UNC13A: variants seen among roughly 807,000 people sequenced by gnomAD.
UNC13A encodes the protein unc-13 homolog A, also known as protein unc-13 homolog A.
In UNC13A, 61 loss-of-function variants were observed where a neutral mutation model predicts 219.7. The ratio of observed to expected loss-of-function variants is 0.28; its 90% CI spans 0.23 to 0.34. UNC13A has a LOEUF of 0.34. Among genes scored for constraint, UNC13A ranks in the 10% least tolerant of loss-of-function variants. UNC13A has a pLI of 1.00. For synonymous variants in UNC13A, 920 were observed against 884.6 expected (o/e 1.04, Z -0.71); for missense variants, 1,476 against 2,270.3 (o/e 0.65, Z 7.11).
chr19:17,648,777 T>C, intron 15 of UNC13A, 127 bp from the exon 16 acceptor site: 1 of 1,489,894 alleles, frequency 6.7e-7, no homozygotes, highest in Non-Finnish European at 9.2e-7. Context: ...GCTGTCGGAA[T>C]CCACGCTGCC....
chr19:17,607,153 G>C (rs577713789), intron 43 of UNC13A, among the ~76,000 whole-genome samples: 20 of 152,116 alleles, frequency 1.3e-4, no homozygotes, highest in Non-Finnish European at 2.6e-4. Flanking sequence ...GTGCTGACAC[G>C]ACATGGAACT....
At chr19:17,676,282 G>C (rs1019932235) in intron 1 of UNC13A, 1 of 644,488 alleles carries the variant, frequency 1.6e-6, no homozygotes, top group African/African-American at 1.8e-5. Context: ...GGATGAGAGG[G>C]AGAGAGAGAA....
chr19:17,632,826 C>T lies in UNC13A; in HGVS notation c.3384G>A (p.Val1128=). 1 of 1,613,980 alleles carries T rather than the reference C, an allele frequency of 6.2e-7. No homozygotes were observed. Among genetic ancestry groups the T allele is most frequent in the Non-Finnish European group, 8.5e-7 (1 of 1,179,900 alleles). ...FKVKWLYNEY[V]TELPAFKDRV... ...GGTCCTTGAAGGCGGGAAGTTCCGT[C>T]ACATACTCATTGTAGAGCCATTTCA... The change falls in exon 28 of 44, where the codon GTG becomes GTA. Residue 1128 remains valine, a synonymous_variant. Coordinates refer to ENST00000519716, the MANE Select transcript of UNC13A (RefSeq NM_001080421.3).
rs141329228 is a variant in UNC13A, at chr19:17,669,531, G to T, written c.394+22C>A. ...ACAACTGGGGCTGGGGCTGGGTGAAGGTCCCGGGCCCCTGTACTCACCTAA... is the reference window on the plus strand; with the variant it reads ...ACAACTGGGGCTGGGGCTGGGTGAATGTCCCGGGCCCCTGTACTCACCTAA... On this transcript the variant is annotated intron_variant, in intron 5 of 43. Coordinates refer to ENST00000519716, the MANE Select transcript of UNC13A (RefSeq NM_001080421.3). 95 of 1,610,100 alleles carry T rather than the reference G, an allele frequency of 5.9e-5. No homozygotes were observed. In the African/African-American group the frequency reaches 1.1e-3, roughly 19 times the overall value.
chr19:17,631,685 T>C (rs1459781395), intron 28 of UNC13A, among the ~76,000 whole-genome samples: 1 of 152,196 alleles, frequency 6.6e-6, no homozygotes, highest in Non-Finnish European at 1.5e-5. Flanking sequence ...GGGTCTGTCA[T>C]GTACTGGGAG....
chr19:17,636,542 G>C (rs1426051105), intron 25 of UNC13A, among the ~76,000 whole-genome samples: 1 of 152,154 alleles, frequency 6.6e-6, no homozygotes, highest in Non-Finnish European at 1.5e-5. Context: ...CAATCACACT[G>C]AATGGAGTGC....
intron 35 of UNC13A, 57 bp from the exon 36 acceptor site, chr19:17,623,604 T>A: frequency 1.3e-5 from 11 of 853,106 alleles, no homozygotes; most frequent in Non-Finnish European, 1.7e-5. Context: ...GTACCATGAG[T>A]CTCCCGGGAA....
intron 1 of UNC13A, among the ~76,000 whole-genome samples, chr19:17,681,062 G>A (rs577138178): frequency 7.2e-6 from 1 of 138,456 alleles, no homozygotes; most frequent in Admixed American, 7.7e-5. Context: ...ACCATGCTTG[G>A]CTATTCCTTT....
In UNC13A at chr19:17,627,301, A is replaced by G. The variant is rs1199309140; in HGVS notation, c.3920+208T>C. On this transcript the variant is annotated intron_variant, in intron 33 of 43. Coordinates refer to ENST00000519716, the MANE Select transcript of UNC13A (RefSeq NM_001080421.3). The surrounding 1 kb of genome is among the most constrained non-coding windows in gnomAD (Gnocchi z 4.7). ...CATCACCCCAAATTTACAGAGCAAT[A>G]AAAAAAAAAATAAGGCTCAGAGAAG... 1.4e-5 allele frequency among the ~76,000 whole-genome samples: 2 copies of G among 145,766 alleles called. No individual in the cohort carries two copies. Among genetic ancestry groups the G allele is most frequent in the African/African-American group, 5.1e-5 (2 of 38,920 alleles).
chr19:17,660,852 T>C (rs2079538718), intron 8 of UNC13A, among the ~76,000 whole-genome samples: 1 of 152,022 alleles, frequency 6.6e-6, no homozygotes, highest in African/African-American at 2.4e-5. Flanking sequence ...TTGACCGTAC[T>C]GTTCGTTTGT....
At chr19:17,615,973 AAAT>A (rs55836715) in intron 41 of UNC13A, among the ~76,000 whole-genome samples, 1 of 151,658 alleles carries the variant, frequency 6.6e-6, no homozygotes, top group Non-Finnish European at 1.5e-5. Flanking sequence ...CCTTGTCTCT[AAAT>A]AATAATATCA....
At position 17,633,154 on chromosome 19, in the gene UNC13A, T is replaced by A; in HGVS notation, c.3255A>T (p.Glu1085Asp). The A allele has an allele frequency of 6.2e-7, 1 of 1,614,110 alleles. No homozygotes were observed. Among genetic ancestry groups the A allele is most frequent in the Non-Finnish European group, 8.5e-7 (1 of 1,179,986 alleles). Residue 1085 changes from glutamate to aspartate, a missense_variant, in exon 27 of 44, where the codon GAA becomes GAT. Coordinates refer to ENST00000519716, the MANE Select transcript of UNC13A (RefSeq NM_001080421.3). The part of the protein sequence containing the change: ...QELNVGKISA[E>D]VMWNLFAQDM... ...CTTGGGCAAACAGATTCCACATCAC[T>A]TCAGCGCTGATTTTACCCACATTCA...
chr19:17,642,799 A>G, intron 20 of UNC13A, 46 bp downstream of exon 20: 1 of 1,497,858 alleles, frequency 6.7e-7, no homozygotes, highest in Non-Finnish European at 9.1e-7. Context: ...GCAGGCAGGA[A>G]TGGTGAGTGG....
intron 5 of UNC13A, among the ~76,000 whole-genome samples, chr19:17,668,648 A>G (rs2079712221): frequency 6.6e-6 from 1 of 151,630 alleles, no homozygotes; most frequent in Non-Finnish European, 1.5e-5. Context: ...CACCATGCCC[A>G]GTTAATTTTT....
At chr19:17,655,050 G>A (rs2079423181) in intron 11 of UNC13A, among the ~76,000 whole-genome samples, 1 of 152,180 alleles carries the variant, frequency 6.6e-6, no homozygotes, top group African/African-American at 2.4e-5. Context: ...GGTGACATTG[G>A]GTGAGGCCAG....
chr19:17,648,608 G>T lies in UNC13A; in HGVS notation c.1639C>A (p.Pro547Thr). 6.2e-7 allele frequency: 1 copy of T among 1,612,976 alleles called. No homozygotes were observed. The highest frequency in any genetic ancestry group is 8.5e-7 in the Non-Finnish European group (1 of 1,179,116). ...YKKTLQALIY[P>T]ISCTTPHNFE... Reference sequence around the variant, plus strand: ...TTGTGTGGCGTCGTGCACGAGATGGGGTAGATTAAGGCTTGCAGGGTCTTC... The same window carrying T: ...TTGTGTGGCGTCGTGCACGAGATGGTGTAGATTAAGGCTTGCAGGGTCTTC... The change falls in exon 16 of 44, where the codon CCC (proline) becomes ACC (threonine). Residue 547 changes from proline to threonine, a missense_variant. Physicochemically the swap from Pro to Thr is conservative, Grantham distance 38 (BLOSUM62 -1). Coordinates refer to ENST00000519716, the MANE Select transcript of UNC13A (RefSeq NM_001080421.3).
At chr19:17,624,227 AAC>A (rs1314115887) in intron 35 of UNC13A, among the ~76,000 whole-genome samples, 5 of 151,210 alleles carry the variant, frequency 3.3e-5, no homozygotes, top group African/African-American at 1.2e-4. Flanking sequence ...CTTAGGTTCA[AAC>A]AGTTTTCGTG....
chr19:17,611,666 T>C, intron 42 of UNC13A, 97 bp downstream of exon 42: 3 of 1,154,250 alleles, frequency 2.6e-6, no homozygotes, highest in Non-Finnish European at 2.6e-6. Flanking sequence ...CATGGACCAT[T>C]AAACAACAAC....
At chr19:17,673,652 C>G (rs1202402499) in intron 3 of UNC13A, among the ~76,000 whole-genome samples, 1 of 151,682 alleles carries the variant, frequency 6.6e-6, no homozygotes. Context: ...GAGATTGCAC[C>G]ACTACACTCC....
Sources: allele counts gnomAD v4.1 joint callset (sites outside exome capture counted in the v4.1 genomes callset), GRCh38; gene constraint gnomAD v4.1.1; non-coding constraint Gnocchi (gnomAD v3.1); transcripts MANE v1.5; gene names NCBI Gene and HGNC (gene_info 2026-07-23, HGNC 2026-07-21).